Variants in MYH10 observed in about 807,000 individuals in gnomAD.
MYH10 encodes myosin-10.
A neutral mutation model predicts 257.8 loss-of-function variants in MYH10; 55 were observed. The observed-to-expected ratio is 0.21, with a 90% confidence interval of 0.17 to 0.27. The LOEUF is 0.27. Ranked by LOEUF, MYH10 falls within the 10% of genes least tolerant of loss-of-function variation. MYH10 has a pLI of 1.00. For synonymous variants in MYH10, 854 were observed against 921.7 expected (o/e 0.93, Z 1.33); for missense variants, 1,631 against 2,500.6 (o/e 0.65, Z 7.42).
At chr17:8,607,569 A>G (rs1353945686) in intron 2 of MYH10, among the ~76,000 whole-genome samples, 1 of 152,250 alleles carries the variant, frequency 6.6e-6, no homozygotes, top group African/African-American at 2.4e-5. Flanking sequence ...TACCTAAAAA[A>G]TTAGCACAAG....
rs376819046 is a variant in MYH10, at chr17:8,487,605, A to G, written c.4885-11T>C. ...CTCGAGCTCCCGCACCTAATGGACA[A>G]CATCGGGTTATGCTGGGTTACATCC... On this transcript the variant is annotated splice_polypyrimidine_tract_variant and intron_variant, in intron 35 of 42. Coordinates refer to ENST00000360416, the MANE Select transcript of MYH10 (RefSeq NM_001256012.3). 2.5e-6 allele frequency: 4 copies of G among 1,613,992 alleles called. No individual in the cohort carries two copies. In the African/African-American group the frequency reaches 5.3e-5, roughly 22 times the overall value.
chr17:8,530,949 T>G (rs529015868), intron 16 of MYH10, among the ~76,000 whole-genome samples: 1 of 152,334 alleles, frequency 6.6e-6, no homozygotes, highest in African/African-American at 2.4e-5. Context: ...GTCAAATGAT[T>G]AGCCCATGTA....
intron 2 of MYH10, among the ~76,000 whole-genome samples, chr17:8,620,411 A>G (rs1871171212): frequency 6.6e-6 from 1 of 152,204 alleles, no homozygotes; most frequent in African/African-American, 2.4e-5. Context: ...ACAGTATTAG[A>G]GAAGACATTT....
intron 30 of MYH10, among the ~76,000 whole-genome samples, chr17:8,498,892 A>G (rs1257784803): frequency 6.6e-6 from 1 of 152,186 alleles, no homozygotes; most frequent in Non-Finnish European, 1.5e-5. Flanking sequence ...AATTTATACC[A>G]GCAGTGTAAA....
chr17:8,534,476 C>A (rs1214382565), intron 16 of MYH10, among the ~76,000 whole-genome samples: 1 of 152,226 alleles, frequency 6.6e-6, no homozygotes, highest in African/African-American at 2.4e-5. Context: ...TAGTCACTTT[C>A]TCTGTGTCCA....
intron 33 of MYH10, 122 bp from the exon 34 acceptor site, chr17:8,492,631 CTTTTT>C (rs74648985): frequency 8.1e-4 from 763 of 947,022 alleles, no homozygotes; most frequent in Non-Finnish European, 8.8e-4. Context: ...CTTGTATTTC[CTTTTT>C]TTTTTTTTTT....
At chr17:8,491,273 G>T (rs1249265546) in intron 34 of MYH10, among the ~76,000 whole-genome samples, 2 of 152,214 alleles carry the variant, frequency 1.3e-5, no homozygotes, top group Non-Finnish European at 2.9e-5. Flanking sequence ...TGCTCAGTAG[G>T]CACAAAAGAC....
At chr17:8,498,690 T>C (rs1005350972) in intron 30 of MYH10, among the ~76,000 whole-genome samples, 13 of 151,772 alleles carry the variant, frequency 8.6e-5, no homozygotes, top group African/African-American at 2.7e-4. Flanking sequence ...TACTAAAAAA[T>C]TCAAAAAATT....
At chr17:8,624,179 T>A (rs979417303) in intron 1 of MYH10, among the ~76,000 whole-genome samples, 1 of 152,220 alleles carries the variant, frequency 6.6e-6, no homozygotes, top group African/African-American at 2.4e-5. Context: ...CAAGACCTAG[T>A]TGTTTTATTT....
intron 2 of MYH10, among the ~76,000 whole-genome samples, chr17:8,608,499 A>G (rs2084894654): frequency 6.6e-6 from 1 of 152,220 alleles, no homozygotes; most frequent in African/African-American, 2.4e-5. Flanking sequence ...TTGTGGGAAA[A>G]GATAACAAAT....
chr17:8,487,693 G>A (rs932924793), intron 35 of MYH10, 99 bp from the exon 36 acceptor site: 23 of 1,376,038 alleles, frequency 1.7e-5, no homozygotes, highest in Non-Finnish European at 2.3e-5. Flanking sequence ...ACTCGGGTGA[G>A]TGGAAACTTC....
At chr17:8,561,363 T>C (rs930872187) in intron 7 of MYH10, 11 of 1,150,604 alleles carry the variant, frequency 9.6e-6, no homozygotes, top group Non-Finnish European at 1.4e-5. Flanking sequence ...CGAAACACAG[T>C]GGAGGCCGCA....
chr17:8,608,205 G>C (rs988146237), intron 2 of MYH10, among the ~76,000 whole-genome samples: 1 of 152,184 alleles, frequency 6.6e-6, no homozygotes, highest in Admixed American at 6.5e-5. Flanking sequence ...AAAGTGATTG[G>C]ATGAAATAAG....
At chr17:8,521,024 T>C in intron 18 of MYH10, 25 bp from the exon 19 acceptor site, 1 of 1,610,680 alleles carries the variant, frequency 6.2e-7, no homozygotes, top group Non-Finnish European at 8.5e-7. Context: ...AATAGTTTCA[T>C]GGTTTAATCT....
chr17:8,580,649 C>T (rs1345577884), intron 4 of MYH10, among the ~76,000 whole-genome samples: 1 of 152,108 alleles, frequency 6.6e-6, no homozygotes, highest in Non-Finnish European at 1.5e-5. Context: ...CTCTTTTCAT[C>T]ACCATTACAT....
At chr17:8,620,725 TC>T (rs1236003174) in intron 2 of MYH10, among the ~76,000 whole-genome samples, 1 of 152,114 alleles carries the variant, frequency 6.6e-6, no homozygotes, top group Non-Finnish European at 1.5e-5. Context: ...CCCATCCCCA[TC>T]CTCTTAACGA....
chr17:8,583,949 G>C (rs2083804776), intron 4 of MYH10, among the ~76,000 whole-genome samples: 1 of 152,156 alleles, frequency 6.6e-6, no homozygotes, highest in African/African-American at 2.4e-5. Flanking sequence ...GGGTTTAAGA[G>C]AACAGAGTAA....
chr17:8,482,959 TTAAG>T (rs1914099922), intron 37 of MYH10, among the ~76,000 whole-genome samples: 1 of 152,242 alleles, frequency 6.6e-6, no homozygotes, highest in Admixed American at 6.5e-5. Context: ...TGCATCATTT[TTAAG>T]TACCCACGGA....
chr17:8,550,578 T>A (rs1242781534), intron 9 of MYH10, among the ~76,000 whole-genome samples: 2 of 146,444 alleles, frequency 1.4e-5, no homozygotes, highest in Admixed American at 6.7e-5. Flanking sequence ...CGCCTCTGCC[T>A]GGCCGCCCCT....
Sources: gnomAD v4.1 joint callset for allele counts (sites outside exome capture counted in the v4.1 genomes callset) on GRCh38, gnomAD v4.1.1 for gene constraint, MANE v1.5 for transcripts, NCBI Gene and HGNC (gene_info 2026-07-23, HGNC 2026-07-21) for gene names.